The following PRPF6 variants were observed in gnomAD, a reference collection of about 807,000 sequenced individuals.
PRPF6 encodes pre-mRNA-processing factor 6.
Under a neutral mutation model 118.3 loss-of-function variants are expected in PRPF6, and 42 were observed. That is an observed-to-expected ratio of 0.35 (90% CI 0.28 to 0.46). The LOEUF is 0.46. PRPF6 is among the 20% of genes least tolerant of loss of function. The probability of loss-of-function intolerance (pLI) is 1.00; values close to 1 mark genes in which losing one functional copy is unlikely to be tolerated. For synonymous variants in PRPF6, 481 were observed against 485.1 expected, an observed-to-expected ratio of 0.99 and a Z score of 0.11; for missense variants, 662 against 1,255.7, an observed-to-expected ratio of 0.53 and a Z score of 7.15.
chr20:64,025,870 G>C (rs2059287330), intron 14 of PRPF6, 69 bp from the exon 15 acceptor site: 1 of 1,612,068 alleles, frequency 6.2e-7, no homozygotes, highest in East Asian at 2.2e-5. Flanking sequence ...GCCTGCTTTT[G>C]ATTAAGTGTG....
intron 3 of PRPF6, 25 bp from the exon 4 acceptor site, chr20:63,993,382 G>C: frequency 6.4e-7 from 1 of 1,565,820 alleles, no homozygotes; most frequent in Non-Finnish European, 8.8e-7. Context: ...CAGTGTTTCT[G>C]ATGTGTGCAT....
chr20:64,026,006 A>T lies in PRPF6; in HGVS notation c.1976A>T (p.Glu659Val), dbSNP rs142324958. Reference sequence around the variant, plus strand: ...CTGGAGTCCGAGAATGATGAGTACGAGCGGGCCCGGAGGCTGCTGGCCAAG... The same window carrying T: ...CTGGAGTCCGAGAATGATGAGTACGTGCGGGCCCGGAGGCTGCTGGCCAAG... ...VKLESENDEY[E>V]RARRLLAKAR... Residue 659 changes from glutamate to valine, a missense_variant, in exon 15 of 21, where the codon GAG (glutamate) becomes GTG (valine). Transcript: ENST00000266079. The surrounding 1 kb of genome is among the most constrained non-coding windows in gnomAD (Gnocchi z 4.4). 1.7e-5 allele frequency: 27 copies of T among 1,612,230 alleles called. No individual in the cohort carries two copies. Among genetic ancestry groups the T allele is most frequent in the Non-Finnish European group, 2.3e-5 (27 of 1,180,030 alleles).
At chr20:63,988,876 A>AAAAAAG (rs1173674740) in intron 3 of PRPF6, among the ~76,000 whole-genome samples, 52 of 152,242 alleles carry the variant, frequency 3.4e-4, no homozygotes, top group South Asian at 2.9e-3. Context: ...CTCAAAAAAA[A>AAAAAAG]AAAAAGAAAA....
At chr20:64,002,059 C>T (rs2059169553) in intron 9 of PRPF6, among the ~76,000 whole-genome samples, 1 of 120,768 alleles carries the variant, frequency 8.3e-6, no homozygotes, top group Non-Finnish European at 1.6e-5. Context: ...CGCCCTGTCG[C>T]CCAGGCTGGA....
At chr20:64,022,569 A>G (rs1427512941) in intron 12 of PRPF6, among the ~76,000 whole-genome samples, 188 bp from the exon 13 acceptor site, 1 of 152,070 alleles carries the variant, frequency 6.6e-6, no homozygotes, top group African/African-American at 2.4e-5. Flanking sequence ...CGGCCTCCCA[A>G]AGTGCTGAGA....
intron 19 of PRPF6, among the ~76,000 whole-genome samples, chr20:64,030,772 C>T (rs2059310794): frequency 6.6e-6 from 1 of 152,230 alleles, no homozygotes; most frequent in Non-Finnish European, 1.5e-5. Flanking sequence ...TTATCTAACA[C>T]CGGGCAATTA....
chr20:64,009,279 CAA>C lies in PRPF6; in HGVS notation c.1187-898_1187-897del, dbSNP rs59045216. On this transcript the variant is annotated intron_variant, in intron 9 of 20. Transcript: ENST00000266079. ...CTGGCGACAGAGCGAGACTCCATCG[CAA>C]AAAAAAAAAAAAAAAAAAAAAAGAG... Among the ~76,000 whole-genome samples, 250 of 38,200 alleles carry C rather than the reference CAA, an allele frequency of 6.5e-3. 5 individuals carry two copies. In the South Asian group the frequency reaches 0.1, roughly 15 times the overall value. The allele number at this position is 38,200 out of a possible 152,430, so 25.1% of individuals were successfully genotyped here.
intron 11 of PRPF6, among the ~76,000 whole-genome samples, chr20:64,015,978 C>T (rs1190475072): frequency 6.6e-6 from 1 of 152,076 alleles, no homozygotes; most frequent in East Asian, 1.9e-4. Flanking sequence ...CATAATGTAC[C>T]ATTGAGCATG....
At chr20:63,988,634 T>G (rs1428649512) in intron 3 of PRPF6, among the ~76,000 whole-genome samples, 1 of 152,034 alleles carries the variant, frequency 6.6e-6, no homozygotes, top group Non-Finnish European at 1.5e-5. Flanking sequence ...TCCCAACACT[T>G]TGGGAGGCTG....
intron 5 of PRPF6, 100 bp from the exon 6 acceptor site, chr20:63,995,227 C>T: frequency 4.5e-6 from 7 of 1,571,436 alleles, no homozygotes; most frequent in Non-Finnish European, 6.1e-6. Flanking sequence ...CACAGCTGTG[C>T]ATATGTCAGG....
At position 63,985,045 on chromosome 20, in the gene PRPF6, T is replaced by C; in HGVS notation, c.359+20T>C. The C allele has an allele frequency of 2.5e-6, 4 of 1,598,608 alleles. No individual in the cohort carries two copies. The highest frequency in any genetic ancestry group is 3.4e-6 in the Non-Finnish European group (4 of 1,168,232). On this transcript the variant is annotated intron_variant, in intron 3 of 20. Coordinates refer to ENST00000266079, the MANE Select transcript of PRPF6 (RefSeq NM_012469.4). ...AAGACGGTAAAAGAAATTGTTGCCT[T>C]TCACAATATTTATCCAAGTTTAAAA...
Position 63,999,025 on chromosome 20 carries a change from T to C in PRPF6, c.772-20T>C. 2 of 1,602,972 alleles carry C rather than the reference T, an allele frequency of 1.2e-6. No homozygotes were observed. The highest frequency in any genetic ancestry group is 1.7e-6 in the Non-Finnish European group (2 of 1,170,898). On this transcript the variant is annotated intron_variant, in intron 6 of 20. Transcript: ENST00000266079. ...CACCTGGTCATGTCCAGCTGACTCT[T>C]AGCTTGGCCTGTCTCACAGGTGTCT...
At chr20:63,995,587 TCTCCTC>T (rs1164884227) in intron 6 of PRPF6, 105 bp downstream of exon 6, 2 of 1,296,434 alleles carry the variant, frequency 1.5e-6, no homozygotes, top group Non-Finnish European at 2.2e-6. Flanking sequence ...TTCTCCTCCT[TCTCCTC>T]CTCCTCCTTC....
intron 9 of PRPF6, among the ~76,000 whole-genome samples, chr20:64,001,664 C>T (rs1569216252): frequency 6.6e-6 from 1 of 152,232 alleles, no homozygotes; most frequent in South Asian, 2.1e-4. Context: ...CCTGAGAAGG[C>T]ACCAGAGCCA....
At chr20:64,023,611 C>T (rs1005338711) in intron 13 of PRPF6, among the ~76,000 whole-genome samples, 1 of 152,206 alleles carries the variant, frequency 6.6e-6, no homozygotes, top group African/African-American at 2.4e-5. Context: ...TTCAGGGTGT[C>T]TTTCCATGTG....
chr20:63,993,008 G>T (rs1204904241), intron 3 of PRPF6, among the ~76,000 whole-genome samples: 1 of 152,006 alleles, frequency 6.6e-6, no homozygotes, highest in Non-Finnish European at 1.5e-5. Flanking sequence ...ACAAGGTCAG[G>T]AGTTCGAGAA....
chr20:63,984,709 T>C (rs532947040), intron 2 of PRPF6, among the ~76,000 whole-genome samples, 198 bp from the exon 3 acceptor site: 179 of 152,284 alleles, frequency 1.2e-3, no homozygotes, highest in African/African-American at 4.2e-3. Context: ...TCCCTTCCAA[T>C]TGGGGGTCTC....
chr20:63,988,484 G>A (rs972245025), intron 3 of PRPF6, among the ~76,000 whole-genome samples: 4 of 152,034 alleles, frequency 2.6e-5, no homozygotes, highest in Non-Finnish European at 5.9e-5. Context: ...GTAACAGAGT[G>A]AGACTCCATC....
At chr20:63,983,320 G>T in intron 2 of PRPF6, 105 bp downstream of exon 2, 2 of 1,424,612 alleles carry the variant, frequency 1.4e-6, no homozygotes, top group South Asian at 2.3e-5. Flanking sequence ...AGTGGCTCAT[G>T]CATTTAAATT....
Sources: allele counts gnomAD v4.1 joint callset (sites outside exome capture counted in the v4.1 genomes callset), GRCh38; gene constraint gnomAD v4.1.1; non-coding constraint Gnocchi (gnomAD v3.1); transcripts MANE v1.5; gene names NCBI Gene and HGNC (gene_info 2026-07-23, HGNC 2026-07-21).